The following TTN variants were observed in gnomAD, a reference collection of about 807,000 sequenced individuals.
TTN encodes titin.
In TTN, 1,525 loss-of-function variants were observed where a neutral mutation model predicts 3,223.0. The ratio of observed to expected loss-of-function variants is 0.47; its 90% CI spans 0.45 to 0.49. The LOEUF (loss-of-function observed/expected upper bound fraction) is 0.49. TTN is among the 20% of genes least tolerant of loss of function. The pLI, the probability that TTN is intolerant of heterozygous loss-of-function variation, is 0.00. For missense variants in TTN, 40,786 were observed against 43,424.0 expected, an observed-to-expected ratio of 0.94 and a Z score of 5.40; for synonymous variants, 14,094 against 15,161.0, an observed-to-expected ratio of 0.93 and a Z score of 5.17.
rs1214391008 is a variant in TTN at position 178,693,590 on chromosome 2, T to G, written c.31594+19A>C. On this transcript the variant is annotated intron_variant, in intron 119 of 362. Transcript: ENST00000589042. Reference sequence around the variant, plus strand: ...AATTTTTATTAAAAGAGTTTAAACTTAGAATGAATTACTAATACCTTTAGG... The same window carrying G: ...AATTTTTATTAAAAGAGTTTAAACTGAGAATGAATTACTAATACCTTTAGG... 1 of 1,517,640 alleles carries G rather than the reference T, an allele frequency of 6.6e-7. No homozygotes were observed. Among genetic ancestry groups the G allele is most frequent in the Non-Finnish European group, 8.9e-7 (1 of 1,119,318 alleles). The allele number at this position is 1,517,640 out of a possible 1,614,324, so 94.0% of individuals were successfully genotyped here.
rs1191109404 is a variant in TTN at position 178,780,220 on chromosome 2, C to T, written c.3524-15G>A. 6 of 1,600,976 alleles carry T rather than the reference C, an allele frequency of 3.7e-6. No individual in the cohort carries two copies. The highest frequency in any genetic ancestry group is 1.7e-5 in the Admixed American group (1 of 59,952). On this transcript the variant is annotated splice_polypyrimidine_tract_variant and intron_variant, in intron 21 of 362. Coordinates refer to ENST00000589042, the MANE Select transcript of TTN (RefSeq NM_001267550.2). ...CTCATAATCAGCTAAGAGTTAAGAA[C>T]ATCAGTTAATTTTTAATGCTCTTAT...
rs1429685157 is a variant in TTN at position 178,636,599 on chromosome 2, C to T, written c.41128G>A (p.Val13710Ile). 2 of 1,613,374 alleles carry T rather than the reference C, an allele frequency of 1.2e-6. No homozygotes were observed. The highest frequency in any genetic ancestry group is 2.2e-5 in the South Asian group (2 of 91,068). ...GTTGTAATTGCAGTGGAAGGGGAGACCAAACATTCAAAGATTGCTGAAGAG... is the reference window on the plus strand; with the variant it reads ...GTTGTAATTGCAGTGGAAGGGGAGATCAAACATTCAAAGATTGCTGAAGAG... ...VGSSAIFECL[V>I]SPSTAITTWM... Residue 13710 changes from valine (V) to isoleucine (I), a missense_variant, in exon 225 of 363, where the codon GTC becomes ATC. Val to Ile is a conservative substitution (Grantham distance 29, BLOSUM62 3). Coordinates refer to ENST00000589042, the MANE Select transcript of TTN (RefSeq NM_001267550.2). This position sits in a 1 kb window ranked among gnomAD's most constrained non-coding sequence, Gnocchi z 4.3.
chr2:178,529,000 A>G lies in TTN; in HGVS notation c.106751T>C (p.Leu35584Pro), dbSNP rs1321657876. ...EEVKKSAATS[L>P]EKSIVHEEIT... is the part of the protein sequence containing the mutation. The stretch of plus-strand genomic sequence containing the variant: ...TTCCTCATGGACAATGGATTTTTCC[A>G]GGGAGGTTGCTGCTGATTTCTTGAC... The change falls in exon 360 of 363, where the codon CTG (leucine) becomes CCG (proline). Residue 35584 changes from leucine (L) to proline (P), a missense_variant. Physicochemically the swap from Leu to Pro is moderately conservative, Grantham distance 98 (BLOSUM62 -3). Coordinates refer to ENST00000589042, the MANE Select transcript of TTN (RefSeq NM_001267550.2). 2 of 1,613,866 alleles carry G rather than the reference A, an allele frequency of 1.2e-6. No individual in the cohort carries two copies. Among genetic ancestry groups the G allele is most frequent in the Non-Finnish European group, 1.7e-6 (2 of 1,179,882 alleles).
Position 178,569,677 on chromosome 2 carries a change from A to G in TTN, c.76455T>C (p.Asn25485=). 6.2e-7 allele frequency: 1 copy of G among 1,612,816 alleles called. No homozygotes were observed. The highest frequency in any genetic ancestry group is 8.5e-7 in the Non-Finnish European group (1 of 1,179,398). Reference sequence around the variant, plus strand: ...CAGCATGTTCTCCAACTCCAGCTTTATTAATAGCACAGATACGGAAGTTGT... The same window carrying G: ...CAGCATGTTCTCCAACTCCAGCTTTGTTAATAGCACAGATACGGAAGTTGT... The part of the protein sequence containing the change: ...HEYNFRICAI[N]KAGVGEHADV... The change falls in exon 326 of 363, where the codon AAT becomes AAC. Residue 25485 remains asparagine (N), a synonymous_variant. Transcript: ENST00000589042.
rs780717742 is a variant in TTN at position 178,607,725 on chromosome 2, T to C, written c.53003-40A>G. Reference sequence around the variant, plus strand: ...CAGTCATGCATTAGCCCATGAAAGATTAAAAAATAGTCCCATATAGAGAAA... The same window carrying C: ...CAGTCATGCATTAGCCCATGAAAGACTAAAAAATAGTCCCATATAGAGAAA... On this transcript the variant is annotated intron_variant, in intron 276 of 362. Transcript: ENST00000589042. The C allele has an allele frequency of 2.5e-6, 4 of 1,611,694 alleles. No individual in the cohort carries two copies. The South Asian group carries it at 4.4e-5, about 18-fold the overall frequency.
intron 250 of TTN, 22 bp downstream of exon 250, chr2:178,619,599 A>G (rs563055341): frequency 1.2e-6 from 2 of 1,603,480 alleles, no homozygotes; most frequent in African/African-American, 2.7e-5. Flanking sequence ...TTGGAAGGAT[A>G]TTTTAAAATA....
At chr2:178,675,446 A>G (rs2067859705) in intron 149 of TTN, among the ~76,000 whole-genome samples, 2 of 151,352 alleles carry the variant, frequency 1.3e-5, no homozygotes, top group Admixed American at 6.6e-5. Context: ...CTTTAAAGAT[A>G]TATTTTTATT....
Position 178,531,940 on chromosome 2 carries a change from C to G in TTN, c.104675G>C (p.Ser34892Thr). The part of the protein sequence containing the change: ...TRPRSPSPVS[S>T]ERSLSRFERS... Reference sequence around the variant, plus strand: ...CTCAAATCTCGAGAGTGATCTCTCACTAGACACAGGGCTGGGGGATCGTGG... The same window carrying G: ...CTCAAATCTCGAGAGTGATCTCTCAGTAGACACAGGGCTGGGGGATCGTGG... The change falls in exon 358 of 363, where the codon AGT becomes ACT. Residue 34892 changes from serine to threonine, a missense_variant. Ser to Thr is a moderately conservative substitution (Grantham distance 58, BLOSUM62 1). Transcript: ENST00000589042. 6.2e-7 allele frequency: 1 copy of G among 1,613,432 alleles called. No homozygotes were observed. The highest frequency in any genetic ancestry group is 8.5e-7 in the Non-Finnish European group (1 of 1,179,670).
In TTN at chr2:178,539,766, T is replaced by G. The variant is rs1553510330; in HGVS notation, c.98299A>C (p.Arg32767=). The change falls in exon 352 of 363, where the codon AGG becomes CGG. Residue 32767 remains arginine, a synonymous_variant. Coordinates refer to ENST00000589042, the MANE Select transcript of TTN (RefSeq NM_001267550.2). ...AGGTCATAAGTGCCAGAATCACCCC[T>G]GTCTGCTTCTTTGATCACAAGCTCA... ...HTELVIKEAD[R]GDSGTYDLVL... is the part of the protein sequence containing the mutation. The G allele has an allele frequency of 1.2e-6, 2 of 1,613,830 alleles. No individual in the cohort carries two copies. The highest frequency in any genetic ancestry group is 1.7e-6 in the Non-Finnish European group (2 of 1,179,748).
At chr2:178,673,487 G>T (rs1560268317) in intron 152 of TTN, 146 bp downstream of exon 152, 2 of 538,906 alleles carry the variant, frequency 3.7e-6, no homozygotes, top group Non-Finnish European at 6.3e-6. Context: ...AAAGATTAAA[G>T]AAATGGAATG....
rs780021536 is a variant in TTN at position 178,736,044 on chromosome 2, G to A, written c.14402C>T (p.Pro4801Leu). 1 of 1,596,938 alleles carries A rather than the reference G, an allele frequency of 6.3e-7. No homozygotes were observed. The highest frequency in any genetic ancestry group is 1.3e-5 in the African/African-American group (1 of 74,218). Residue 4801 changes from proline (P) to leucine (L), a missense_variant, in exon 50 of 363, where the codon CCT becomes CTT. Transcript: ENST00000589042. ...EAYPPTFLSR[P>L]KSLTTFVGKA... ...ACCCACAAAAGTTGTAAGGGACTTA[G>A]GTCTGGAGAGAAAGGTTGGTGGATA... is the stretch of plus-strand genomic sequence containing the variant.
rs1457913909 is a variant in TTN at position 178,563,694 on chromosome 2, C to G, written c.82438G>C (p.Ala27480Pro). 1 of 1,613,754 alleles carries G rather than the reference C, an allele frequency of 6.2e-7. No individual in the cohort carries two copies. Among genetic ancestry groups the G allele is most frequent in the Non-Finnish European group, 8.5e-7 (1 of 1,179,766 alleles). ...ACTACCATAGAATCTTTGGTGATTGCTGAGACTTCAGGTGTTGAGGGAGGA... is the reference window on the plus strand; with the variant it reads ...ACTACCATAGAATCTTTGGTGATTGGTGAGACTTCAGGTGTTGAGGGAGGA... Reference protein sequence around the residue: ...PGPPSTPEVSAITKDSMVVTW... With the variant: ...PGPPSTPEVSPITKDSMVVTW... The change falls in exon 326 of 363, where the codon GCA becomes CCA. Residue 27480 changes from alanine to proline, a missense_variant. Ala to Pro is a conservative substitution (Grantham distance 27). Coordinates refer to ENST00000589042, the MANE Select transcript of TTN (RefSeq NM_001267550.2). The surrounding 1 kb of genome is among the most constrained non-coding windows in gnomAD (Gnocchi z 4.5).
At chr2:178,633,109 T>C (rs572946842) in intron 233 of TTN, 65 bp from the exon 234 acceptor site, 1 of 1,599,490 alleles carries the variant, frequency 6.3e-7, no homozygotes, top group Admixed American at 1.7e-5. Flanking sequence ...CTACAAATCA[T>C]CAAGATATTT....
chr2:178,566,017 C>A lies in TTN; in HGVS notation c.80115G>T (p.Glu26705Asp), dbSNP rs558830502. The A allele has an allele frequency of 1.3e-4, 214 of 1,613,508 alleles. 1 individual carries two copies. The East Asian group carries it at 4.2e-3, about 32-fold the overall frequency. ...TTGCCCCTCCATCAATGATGGGTGG[C>A]TCCCATACCAGGAAGGCAGAATCTT... is the stretch of plus-strand genomic sequence containing the variant. ...VRKDSAFLVWEPPIIDGGAKV... is the reference protein window; with the variant it reads ...VRKDSAFLVWDPPIIDGGAKV... The change falls in exon 326 of 363, where the codon GAG becomes GAT. Residue 26705 changes from glutamate (E) to aspartate (D), a missense_variant. Physicochemically the swap from Glu to Asp is conservative, Grantham distance 45. Transcript: ENST00000589042.
rs727504193 is a variant in TTN, at chr2:178,609,981, G to A, written c.51442C>T (p.Pro17148Ser). Residue 17148 changes from proline to serine, a missense_variant, in exon 272 of 363, where the codon CCT becomes TCT. Coordinates refer to ENST00000589042, the MANE Select transcript of TTN (RefSeq NM_001267550.2). ...ACCTCTACATCTACAGGTGGATCAGGGGGTTCTGAAGAACAAGAAAAAAAT... is the reference window on the plus strand; with the variant it reads ...ACCTCTACATCTACAGGTGGATCAGAGGGTTCTGAAGAACAAGAAAAAAAT... ...PVIAQDPKQP[P>S]DPPVDVEVHN... 6.2e-7 allele frequency: 1 copy of A among 1,610,852 alleles called. No individual in the cohort carries two copies.
chr2:178,587,435 AT>A lies in TTN; in HGVS notation c.63794-19del, dbSNP rs2049267977. The A allele has an allele frequency of 3.7e-6, 6 of 1,603,578 alleles. No homozygotes were observed. In the African/African-American group the frequency reaches 8.1e-5, roughly 22 times the overall value. ...AGGAGTGTCTGTAAAGAATCATAAAATCAGATATACATGTCTCCTCAGCATC... is the reference window on the plus strand; with the variant it reads ...AGGAGTGTCTGTAAAGAATCATAAAACAGATATACATGTCTCCTCAGCATC... On this transcript the variant is annotated intron_variant, in intron 306 of 362. Transcript: ENST00000589042.
Position 178,572,279 on chromosome 2 carries a change from A to G in TTN, c.73853T>C (p.Leu24618Pro). 6.2e-7 allele frequency: 1 copy of G among 1,613,112 alleles called. No individual in the cohort carries two copies. The highest frequency in any genetic ancestry group is 1.1e-5 in the South Asian group (1 of 91,026). Residue 24618 changes from leucine to proline, a missense_variant, in exon 326 of 363, where the codon CTT becomes CCT. Coordinates refer to ENST00000589042, the MANE Select transcript of TTN (RefSeq NM_001267550.2). ...AESVKASERP[L>P]PPGKITLMDV... The stretch of plus-strand genomic sequence containing the variant: ...CATCAAAGTTATTTTTCCTGGAGGA[A>G]GAGGTCGTTCTGATGCTTTCACAGA...
chr2:178,566,785 T>C lies in TTN; in HGVS notation c.79347A>G (p.Thr26449=), dbSNP rs755844994. ...CATACTCATGATCTTCTGTTAATCC[T>C]GTCACTCTTAGACGCAAATCTGTAA... is the stretch of plus-strand genomic sequence containing the variant. The part of the protein sequence containing the change: ...RRITDLRLRV[T]GLTEDHEYEF... The change falls in exon 326 of 363, where the codon ACA becomes ACG. Residue 26449 remains threonine, a synonymous_variant. Coordinates refer to ENST00000589042, the MANE Select transcript of TTN (RefSeq NM_001267550.2). 2.5e-6 allele frequency: 4 copies of C among 1,613,406 alleles called. No homozygotes were observed. The South Asian group carries it at 3.3e-5, about 13-fold the overall frequency.
chr2:178,772,954 G>C (rs1040074867), intron 33 of TTN, 155 bp downstream of exon 33: 1 of 876,808 alleles, frequency 1.1e-6, no homozygotes, highest in Non-Finnish European at 1.7e-6. Flanking sequence ...AATTTAGGCT[G>C]GTGGGAATGG....
Sources: allele counts gnomAD v4.1 joint callset (sites outside exome capture counted in the v4.1 genomes callset), GRCh38; gene constraint gnomAD v4.1.1; non-coding constraint Gnocchi (gnomAD v3.1); transcripts MANE v1.5; gene names NCBI Gene and HGNC (gene_info 2026-07-23, HGNC 2026-07-21).